PSKH1: variants seen among roughly 807,000 people sequenced by gnomAD.
The protein encoded by PSKH1 is protein serine kinase H1, also known as serine/threonine-protein kinase H1.
PSKH1 carries 12 observed loss-of-function variants against 26.7 expected under a neutral mutation model. That is an observed-to-expected ratio of 0.45 (90% CI 0.29 to 0.73). The LOEUF (loss-of-function observed/expected upper bound fraction) is 0.73, where lower values mean the gene tolerates loss of function less well. Among genes scored for constraint, PSKH1 ranks in the 30% least tolerant of loss-of-function variants. The pLI is 0.11. For synonymous variants in PSKH1, 213 were observed against 234.3 expected, an observed-to-expected ratio of 0.91 and a Z score of 0.83; for missense variants, 431 against 595.2, an observed-to-expected ratio of 0.72 and a Z score of 2.87.
rs2058161043 is a variant in PSKH1, at chr16:67,907,889, G to A, written c.-70-791G>A. On this transcript the variant is annotated intron_variant, in intron 1 of 2. Transcript: ENST00000291041. ...GCTGGGAAAGATATGCATGAAGGAG[G>A]CCTTGGAGAAGCAGCTTTCTGAGCC... Among the ~76,000 whole-genome samples, 3 of 152,084 alleles carry A rather than the reference G, an allele frequency of 2.0e-5. No homozygotes were observed. The South Asian group carries it at 6.2e-4, about 32-fold the overall frequency.
chr16:67,899,055 G>A lies in PSKH1; in HGVS notation c.-71+5684G>A, dbSNP rs925265761. Among the ~76,000 whole-genome samples, 6 of 152,294 alleles carry A rather than the reference G, an allele frequency of 3.9e-5. No homozygotes were observed. In the South Asian group the frequency reaches 1.2e-3, roughly 32 times the overall value. On this transcript the variant is annotated intron_variant, in intron 1 of 2. Transcript: ENST00000291041. The stretch of plus-strand genomic sequence containing the variant: ...GACATTCACAGACCCTGCCTCTATG[G>A]ATAGGAAATTGTTTCAGGATTCATC...
chr16:67,924,721 G>A (rs1053355420), intron 2 of PSKH1, among the ~76,000 whole-genome samples: 3 of 152,244 alleles, frequency 2.0e-5, no homozygotes, highest in Non-Finnish European at 4.4e-5. Flanking sequence ...AGGCCAGACT[G>A]AGCTGCAGCC....
At chr16:67,925,030 C>T (rs1354165993) in intron 2 of PSKH1, among the ~76,000 whole-genome samples, 2 of 151,506 alleles carry the variant, frequency 1.3e-5, no homozygotes, top group Admixed American at 6.6e-5. Context: ...ATCTTGAACT[C>T]TTGGGCTCAA....
Position 67,929,297 on chromosome 16 carries a change from G to C in PSKH1, c.*1655G>C, listed in dbSNP as rs1190731503. Reference sequence around the variant, plus strand: ...TTCCTGCATGTGCCACCTCCAGTGGGAAACAAAACTAAAGAGACCACTCTG... The same window carrying C: ...TTCCTGCATGTGCCACCTCCAGTGGCAAACAAAACTAAAGAGACCACTCTG... On this transcript the variant is annotated 3_prime_UTR_variant, in exon 3 of 3. Coordinates refer to ENST00000291041, the MANE Select transcript of PSKH1 (RefSeq NM_006742.3). The C allele has an allele frequency of 6.6e-6, 1 of 152,372 alleles. No individual in the cohort carries two copies. Among genetic ancestry groups the C allele is most frequent in the East Asian group, 1.9e-4 (1 of 5,198 alleles). The allele number at this position is 152,372 out of a possible 1,614,324, so 9.4% of individuals were successfully genotyped here.
At chr16:67,895,142 C>T (rs570075545) in intron 1 of PSKH1, among the ~76,000 whole-genome samples, 8 of 151,382 alleles carry the variant, frequency 5.3e-5, no homozygotes, top group South Asian at 2.1e-4. Context: ...AGGCTGGTCT[C>T]GAACTCCTGA....
At chr16:67,920,520 A>T (rs1332699277) in intron 2 of PSKH1, among the ~76,000 whole-genome samples, 1 of 152,082 alleles carries the variant, frequency 6.6e-6, no homozygotes, top group Non-Finnish European at 1.5e-5. Context: ...CGGCCTCCCA[A>T]AGTGCTGAGA....
At chr16:67,895,463 C>T (rs932191400) in intron 1 of PSKH1, among the ~76,000 whole-genome samples, 5 of 150,740 alleles carry the variant, frequency 3.3e-5, no homozygotes, top group East Asian at 3.9e-4. Context: ...GGCTGGAGTG[C>T]AGTGGTGCGA....
intron 1 of PSKH1, among the ~76,000 whole-genome samples, chr16:67,904,821 AT>A (rs942779122): frequency 0.046 from 5,309 of 115,946 alleles, 145 homozygotes; most frequent in African/African-American, 0.13. Flanking sequence ...TCCTTTTTTA[AT>A]TTTTTTTTTT....
At chr16:67,910,458 C>G (rs1412268005) in intron 2 of PSKH1, among the ~76,000 whole-genome samples, 3 of 152,226 alleles carry the variant, frequency 2.0e-5, no homozygotes, top group Non-Finnish European at 4.4e-5. Flanking sequence ...GTGTCCAGAT[C>G]TGATTTTTTT....
In PSKH1 at chr16:67,909,929, T is replaced by C; in HGVS notation, c.957+223T>C. 1 of 579,372 alleles carries C rather than the reference T, an allele frequency of 1.7e-6. No individual in the cohort carries two copies. 35.9% of individuals were successfully genotyped at this position (579,372 alleles called of 1,614,324 possible). A position where few individuals can be genotyped will look rare whatever the true frequency, so the allele number is the denominator to read the frequency against. On this transcript the variant is annotated intron_variant, in intron 2 of 2. Coordinates refer to ENST00000291041, the MANE Select transcript of PSKH1 (RefSeq NM_006742.3). This position sits in a 1 kb window ranked among gnomAD's most constrained non-coding sequence, Gnocchi z 7.8. ...GCAGATAGTTTATTTGGGATGTGAT[T>C]TGAGTAACTAAAAGTGAAGGAGTGG...
At chr16:67,901,976 G>A (rs2058143246) in intron 1 of PSKH1, among the ~76,000 whole-genome samples, 1 of 152,070 alleles carries the variant, frequency 6.6e-6, no homozygotes, top group Non-Finnish European at 1.5e-5. Flanking sequence ...AGTGAAAAGT[G>A]AGGCCGGGTG....
intron 2 of PSKH1, among the ~76,000 whole-genome samples, chr16:67,917,661 C>T (rs900935254): frequency 2.0e-5 from 3 of 152,196 alleles, no homozygotes; most frequent in African/African-American, 7.2e-5. Flanking sequence ...GTGGAGTGCT[C>T]CCCTCAAGGG....
At chr16:67,910,887 G>A (rs1290439443) in intron 2 of PSKH1, among the ~76,000 whole-genome samples, 4 of 152,256 alleles carry the variant, frequency 2.6e-5, no homozygotes, top group Admixed American at 2.0e-4. Context: ...TAACCTGCAG[G>A]TCACATTCAA....
chr16:67,917,303 G>A (rs2058190530), intron 2 of PSKH1, among the ~76,000 whole-genome samples: 1 of 152,218 alleles, frequency 6.6e-6, no homozygotes, highest in African/African-American at 2.4e-5. Context: ...CAGAGTTCTT[G>A]GCCTGTCTAG....
Position 67,927,415 on chromosome 16 carries a change from C to T in PSKH1, c.1048C>T (p.Leu350=). 1 of 1,614,192 alleles carries T rather than the reference C, an allele frequency of 6.2e-7. No individual in the cohort carries two copies. Among genetic ancestry groups the T allele is most frequent in the Non-Finnish European group, 8.5e-7 (1 of 1,180,038 alleles). Residue 350 remains leucine (L), a synonymous_variant, in exon 3 of 3, where the codon CTG becomes TTG. Transcript: ENST00000291041. This position sits in a 1 kb window ranked among gnomAD's most constrained non-coding sequence, Gnocchi z 5.5. ...AGCCCGTATGACTGCACTGCAGGCC[C>T]TGAGGCACCCGTGGGTGGTGAGCAT... ...PGARMTALQA[L]RHPWVVSMAA... is the part of the protein sequence containing the mutation.
intron 2 of PSKH1, among the ~76,000 whole-genome samples, chr16:67,910,731 G>T (rs2058171009): frequency 6.6e-6 from 1 of 152,216 alleles, no homozygotes; most frequent in Non-Finnish European, 1.5e-5. Flanking sequence ...TCGAACTCCA[G>T]ACCTCAGGTC....
chr16:67,919,971 C>T (rs1011623358), intron 2 of PSKH1, among the ~76,000 whole-genome samples: 3 of 152,226 alleles, frequency 2.0e-5, no homozygotes, highest in Admixed American at 6.5e-5. Flanking sequence ...TGCATTCAGC[C>T]GTTCCTGCTG....
At chr16:67,904,664 T>G (rs1358204180) in intron 1 of PSKH1, among the ~76,000 whole-genome samples, 1 of 151,816 alleles carries the variant, frequency 6.6e-6, no homozygotes, top group Non-Finnish European at 1.5e-5. Flanking sequence ...TTTAATCTTG[T>G]AGGGACAGGG....
intron 2 of PSKH1, among the ~76,000 whole-genome samples, chr16:67,914,743 C>T (rs1009042768): frequency 3.3e-5 from 5 of 152,166 alleles, no homozygotes; most frequent in African/African-American, 4.8e-5. Context: ...CGTGAGCCAC[C>T]GCACCCGGTG....
Sources: gnomAD v4.1 joint callset for allele counts (sites outside exome capture counted in the v4.1 genomes callset) on GRCh38, gnomAD v4.1.1 for gene constraint, Gnocchi (gnomAD v3.1) non-coding constraint, MANE v1.5 for transcripts, NCBI Gene and HGNC (gene_info 2026-07-23, HGNC 2026-07-21) for gene names.